Variants in NUP62CL observed in about 807,000 individuals in gnomAD.
NUP62CL encodes the protein nucleoporin 62 C-terminal like, also known as nucleoporin-62 C-terminal-like protein.
In NUP62CL, 13 loss-of-function variants were observed where a neutral mutation model predicts 15.3. The observed-to-expected ratio is 0.85, with a 90% CI of 0.55 to 1.35. NUP62CL has a LOEUF of 1.35. NUP62CL is among the 40% of genes most tolerant of loss of function. NUP62CL has a pLI of 0.00. For missense variants in NUP62CL, 123 were observed against 130.6 expected (o/e 0.94, Z 0.28); for synonymous variants, 54 against 49.2 (o/e 1.10, Z -0.41).
At chrX:107,193,744 A>G (rs748709098) in intron 1 of NUP62CL, among the ~76,000 whole-genome samples, 1 of 111,293 alleles carries the variant, frequency 9.0e-6, no homozygotes, top group Non-Finnish European at 1.9e-5. Context: ...AAAACATCTA[A>G]GTCAGTCATC....
At chrX:107,136,979 G>A (rs755989634) in intron 8 of NUP62CL, among the ~76,000 whole-genome samples, 16 of 111,658 alleles carry the variant, frequency 1.4e-4, no homozygotes, top group Non-Finnish European at 2.4e-4. Flanking sequence ...CAGGAGAATC[G>A]CTTGAACCTG....
chrX:107,147,496 A>G (rs929695558), intron 8 of NUP62CL, among the ~76,000 whole-genome samples: 9 of 111,581 alleles, frequency 8.1e-5, no homozygotes, highest in African/African-American at 1.9e-4. Context: ...TCTTGCTTCT[A>G]TCCCAATTCT....
At chrX:107,199,472 C>A (rs143713655) in intron 1 of NUP62CL, among the ~76,000 whole-genome samples, 2,445 of 112,212 alleles carry the variant, frequency 0.022, 67 homozygotes, top group African/African-American at 0.075. Context: ...AGTAATCATT[C>A]ATTCCCCTAC....
intron 4 of NUP62CL, among the ~76,000 whole-genome samples, 182 bp downstream of exon 4, chrX:107,167,467 G>T (rs779660987): frequency 8.9e-6 from 1 of 112,063 alleles, no homozygotes; most frequent in East Asian, 2.8e-4. Context: ...ATGATATTCA[G>T]AAGGTAAAGG....
At chrX:107,170,100 A>G (rs1412902164) in intron 3 of NUP62CL, among the ~76,000 whole-genome samples, 1 of 108,096 alleles carries the variant, frequency 9.3e-6, no homozygotes. Context: ...CCAGCTACCC[A>G]GGAGGCTAAG....
chrX:107,194,437 T>A (rs1458622388), intron 1 of NUP62CL, among the ~76,000 whole-genome samples: 1 of 111,629 alleles, frequency 9.0e-6, no homozygotes, highest in Non-Finnish European at 1.9e-5. Context: ...AGTGGGAAAA[T>A]ATCTTAAAAG....
intron 8 of NUP62CL, among the ~76,000 whole-genome samples, chrX:107,140,149 AAAAAG>A (rs1158782360): frequency 1.8e-5 from 2 of 111,809 alleles, no homozygotes; most frequent in African/African-American, 6.5e-5. Flanking sequence ...GGAAGAGTGT[AAAAAG>A]AAAAGATGGT....
intron 8 of NUP62CL, among the ~76,000 whole-genome samples, chrX:107,140,459 T>G (rs1401265574): frequency 8.9e-6 from 1 of 111,938 alleles, no homozygotes; most frequent in Non-Finnish European, 1.9e-5. Flanking sequence ...TCACAGCTAC[T>G]GTGCTGTTTC....
intron 2 of NUP62CL, among the ~76,000 whole-genome samples, chrX:107,188,659 T>G (rs958641370): frequency 9.0e-6 from 1 of 111,235 alleles, no homozygotes; most frequent in African/African-American, 3.3e-5. Flanking sequence ...GGCATCAGAT[T>G]GGAAAGGAAG....
chrX:107,164,957 T>C (rs1343483717), intron 4 of NUP62CL, among the ~76,000 whole-genome samples: 2 of 111,827 alleles, frequency 1.8e-5, no homozygotes, highest in African/African-American at 6.5e-5. Context: ...AAAAATTAAC[T>C]GGGCGTGGTG....
chrX:107,132,121 G>T (rs1925532441), intron 8 of NUP62CL: 1 of 1,176,428 alleles, frequency 8.5e-7, no homozygotes. Context: ...TTTGGAATTG[G>T]AAGAGGAAAA....
intron 2 of NUP62CL, among the ~76,000 whole-genome samples, chrX:107,177,747 T>C: frequency 9.0e-6 from 1 of 111,588 alleles, no homozygotes; most frequent in Non-Finnish European, 1.9e-5. Flanking sequence ...AGGATCCTGT[T>C]GGAAATGTAA....
At chrX:107,136,108 C>G (rs1201007860) in intron 8 of NUP62CL, among the ~76,000 whole-genome samples, 1 of 108,913 alleles carries the variant, frequency 9.2e-6, no homozygotes, top group East Asian at 2.9e-4. Flanking sequence ...AAATTGCAAA[C>G]AGAAAAATCA....
At position 107,153,213 on chromosome X, in the gene NUP62CL, T is replaced by A. The variant is rs762587661; in HGVS notation, c.489A>T (p.Gly163=). The change falls in exon 7 of 9, where the codon GGA becomes GGT. Residue 163 remains glycine, a synonymous_variant. Coordinates refer to ENST00000372466, the MANE Select transcript of NUP62CL (RefSeq NM_017681.3). ...CATCTGCATCCTGCAGATAATGAAG[T>A]CCACTCTGGTCACGCGTAGACTCCT... is the stretch of plus-strand genomic sequence containing the variant. ...YLEESTRDQS[G]LHYLQDADEE... is the part of the protein sequence containing the mutation. 93 of 1,205,523 alleles carry A rather than the reference T, an allele frequency of 7.7e-5. No individual in the cohort carries two copies. Among genetic ancestry groups the A allele is most frequent in the Non-Finnish European group, 9.6e-5 (86 of 892,903 alleles).
chrX:107,185,740 A>G (rs1927044763), intron 2 of NUP62CL, among the ~76,000 whole-genome samples: 1 of 111,937 alleles, frequency 8.9e-6, no homozygotes, highest in Non-Finnish European at 1.9e-5. Context: ...CAATACAATA[A>G]TTATAGTACA....
At chrX:107,194,772 C>A (rs1602666763) in intron 1 of NUP62CL, among the ~76,000 whole-genome samples, 1 of 103,669 alleles carries the variant, frequency 9.6e-6, no homozygotes, top group Admixed American at 1.0e-4. Context: ...TAATGTATCT[C>A]AAAAATTCAC....
chrX:107,172,736 T>C (rs1449438305), intron 3 of NUP62CL, among the ~76,000 whole-genome samples: 1 of 112,367 alleles, frequency 8.9e-6, no homozygotes, highest in Non-Finnish European at 1.9e-5. Flanking sequence ...AGCTAAATAC[T>C]GTGATCAATA....
intron 3 of NUP62CL, 43 bp downstream of exon 3, chrX:107,175,046 A>G (rs779287856): frequency 7.0e-6 from 7 of 993,500 alleles, no homozygotes; most frequent in Non-Finnish European, 8.6e-6. Flanking sequence ...GTAAGGTGGC[A>G]TCATGGGAAA....
intron 1 of NUP62CL, among the ~76,000 whole-genome samples, chrX:107,194,171 AT>A (rs1256298655): frequency 9.0e-6 from 1 of 111,573 alleles, no homozygotes; most frequent in Non-Finnish European, 1.9e-5. Context: ...CAGAGGCAGT[AT>A]TCAAAGAGTT....
Sources: allele counts gnomAD v4.1 joint callset (sites outside exome capture counted in the v4.1 genomes callset), GRCh38; gene constraint gnomAD v4.1.1; transcripts MANE v1.5; gene names NCBI Gene and HGNC (gene_info 2026-07-23, HGNC 2026-07-21).